ZBTB7B: variants seen among roughly 807,000 people sequenced by gnomAD.
ZBTB7B encodes zinc finger and BTB domain-containing protein 7B.
ZBTB7B carries 8 observed loss-of-function variants against 31.0 expected under a neutral mutation model. The ratio of observed to expected loss-of-function variants is 0.26; its 90% CI spans 0.15 to 0.47. The LOEUF is 0.47. Ranked by LOEUF, ZBTB7B falls within the 20% of genes least tolerant of loss-of-function variation. The probability of loss-of-function intolerance (pLI) is 0.99; values close to 1 mark genes in which losing one functional copy is unlikely to be tolerated. For missense variants in ZBTB7B, 494 were observed against 742.4 expected (o/e 0.67, Z 3.89); for synonymous variants, 261 against 307.3 (o/e 0.85, Z 1.58).
chr1:155,014,961 G>A lies in ZBTB7B; in HGVS notation c.301G>A (p.Ala101Thr), dbSNP rs200691018. ...LDFVGPEALG[A>T]LLEFAYTATL... ...CTTTGTAGGGCCAGAGGCACTAGGC[G>A]CCCTCCTTGAATTTGCCTATACAGC... is the stretch of plus-strand genomic sequence containing the variant. Residue 101 changes from alanine to threonine, a missense_variant, in exon 2 of 3, where the codon GCC becomes ACC. By Grantham distance (58) the Ala-to-Thr change is moderately conservative (BLOSUM62 0). This residue lies in a region of ZBTB7B where 90 missense variants were observed against 143.2 expected (regional missense o/e 0.63). Transcript: ENST00000535420. The A allele has an allele frequency of 3.1e-5, 50 of 1,613,796 alleles. No homozygotes were observed. Among genetic ancestry groups the A allele is most frequent in the African/African-American group, 1.9e-4 (14 of 74,990 alleles).
In ZBTB7B at chr1:155,017,368, G is replaced by GC. The variant is rs932039339; in HGVS notation, c.*686dup. 2 of 106,372 alleles carry GC rather than the reference G, an allele frequency of 1.9e-5. No homozygotes were observed. The highest frequency in any genetic ancestry group is 4.6e-5 in the Non-Finnish European group (2 of 43,590). The allele number at this position is 106,372 out of a possible 1,614,324, so 6.6% of individuals were successfully genotyped here. A position where few individuals can be genotyped will look rare whatever the true frequency, so the allele number is the denominator to read the frequency against. The stretch of plus-strand genomic sequence containing the variant: ...CCCCTGGGGGCAGTAGAGGGGCCCC[G>GC]CCCAGCTAGGGGAGCCGCTCCGTTC... On this transcript the variant is annotated 3_prime_UTR_variant, in exon 3 of 3. Transcript: ENST00000535420.
chr1:155,010,815 G>A lies in ZBTB7B; in HGVS notation c.-6-3840G>A, dbSNP rs1658913188. ...ACCTGAGGCTGGAGTTGGGGTGGGG[G>A]GGTGGAGGGAGAAAGGAGACAGAAG... is the stretch of plus-strand genomic sequence containing the variant. On this transcript the variant is annotated intron_variant, in intron 1 of 2. Transcript: ENST00000535420. 3 of 940,674 alleles carry A rather than the reference G, an allele frequency of 3.2e-6. No homozygotes were observed. The East Asian group carries it at 8.0e-5, about 25-fold the overall frequency. The allele number at this position is 940,674 out of a possible 1,614,324, so 58.3% of individuals were successfully genotyped here.
upstream of ZBTB7B, among the ~76,000 whole-genome samples, chr1:155,002,313 A>G (rs1658273321): frequency 7.0e-6 from 1 of 142,150 alleles, no homozygotes; most frequent in South Asian, 2.3e-4. Flanking sequence ...GTGGACTGGG[A>G]GAGATAGGGG....
intron 1 of ZBTB7B, among the ~76,000 whole-genome samples, chr1:155,011,978 G>A (rs1200910857): frequency 6.6e-6 from 1 of 152,190 alleles, no homozygotes; most frequent in Non-Finnish European, 1.5e-5. Context: ...GGTTAGGGGA[G>A]TTTCCCAGAA....
chr1:155,015,670 T>C lies in ZBTB7B; in HGVS notation c.1010T>C (p.Val337Ala), dbSNP rs1287293231. Reference protein sequence around the residue: ...APGLDSQDKLVRKRRSQMPQE... With the variant: ...APGLDSQDKLARKRRSQMPQE... Reference sequence around the variant, plus strand: ...GGCCTGGACAGCCAAGACAAGCTGGTGCGCAAACGCCGCTCCCAGATGCCT... The same window carrying C: ...GGCCTGGACAGCCAAGACAAGCTGGCGCGCAAACGCCGCTCCCAGATGCCT... The change falls in exon 2 of 3, where the codon GTG becomes GCG. Residue 337 changes from valine (V) to alanine (A), a missense_variant. By Grantham distance (64) the Val-to-Ala change is moderately conservative. Around this residue, in one of 5 missense-constraint regions of ZBTB7B, gnomAD observed 216 missense variants for 229.3 expected, o/e 0.94. Coordinates refer to ENST00000535420, the MANE Select transcript of ZBTB7B (RefSeq NM_001256455.2). 1.2e-6 allele frequency: 2 copies of C among 1,613,174 alleles called. No individual in the cohort carries two copies. The highest frequency in any genetic ancestry group is 2.2e-5 in the South Asian group (2 of 91,034).
At position 155,015,517 on chromosome 1, in the gene ZBTB7B, C is replaced by A. The variant is rs780764473; in HGVS notation, c.857C>A (p.Pro286Gln). The A allele has an allele frequency of 1.2e-6, 2 of 1,613,908 alleles. No individual in the cohort carries two copies. Among genetic ancestry groups the A allele is most frequent in the East Asian group, 4.5e-5 (2 of 44,866 alleles). ...GAAGAAGAGGAGCTGGTATATCCCC[C>A]AGCCTATGGGCTGGCGCAGGGTGGC... Reference protein sequence around the residue: ...EEEEEELVYPPAYGLAQGGGP... With the variant: ...EEEEEELVYPQAYGLAQGGGP... Residue 286 changes from proline (P) to glutamine (Q), a missense_variant, in exon 2 of 3, where the codon CCA (proline) becomes CAA (glutamine). Physicochemically the swap from Pro to Gln is moderately conservative, Grantham distance 76 (BLOSUM62 -1). Around this residue, in one of 5 missense-constraint regions of ZBTB7B, gnomAD observed 216 missense variants for 229.3 expected, o/e 0.94. Coordinates refer to ENST00000535420, the MANE Select transcript of ZBTB7B (RefSeq NM_001256455.2).
Position 155,018,495 on chromosome 1 carries a change from A to G in ZBTB7B, c.*1810A>G. 1.3e-6 allele frequency: 2 copies of G among 1,553,320 alleles called. No individual in the cohort carries two copies. Among genetic ancestry groups the G allele is most frequent in the Non-Finnish European group, 1.8e-6 (2 of 1,136,118 alleles). The stretch of plus-strand genomic sequence containing the variant: ...CTCCCCCACCTCGGGTGTAAGCGAC[A>G]GGAAGAAATAATAATAATTTAAGAT... On this transcript the variant is annotated 3_prime_UTR_variant, in exon 3 of 3. Coordinates refer to ENST00000535420, the MANE Select transcript of ZBTB7B (RefSeq NM_001256455.2).
At chr1:155,013,170 TA>T (rs1659118580) in intron 1 of ZBTB7B, among the ~76,000 whole-genome samples, 1 of 152,236 alleles carries the variant, frequency 6.6e-6, no homozygotes, top group Non-Finnish European at 1.5e-5. Context: ...TGGTCTCATT[TA>T]ACCCTCACCA....
At chr1:155,010,812 G>T (rs1186509354) in intron 1 of ZBTB7B, 5 of 913,946 alleles carry the variant, frequency 5.5e-6, no homozygotes, top group African/African-American at 5.0e-5. Flanking sequence ...AGTTGGGGTG[G>T]GGGGGTGGAG....
At chr1:155,005,389 G>A (rs1003280680) in intron 1 of ZBTB7B, among the ~76,000 whole-genome samples, 22 of 152,344 alleles carry the variant, frequency 1.4e-4, no homozygotes, top group Middle Eastern at 3.4e-3. Flanking sequence ...ATCAGACTGA[G>A]GGACAGCCTA....
chr1:155,015,054 T>C lies in ZBTB7B; in HGVS notation c.394T>C (p.Cys132Arg). ...GGCTGCCCGCCTGCTGGAGATCCCG[T>C]GTGTCATCGCTGCTTGCATGGAGAT... is the stretch of plus-strand genomic sequence containing the variant. ...LQAARLLEIP[C>R]VIAACMEILQ... is the part of the protein sequence containing the mutation. The change falls in exon 2 of 3, where the codon TGT becomes CGT. Residue 132 changes from cysteine (C) to arginine (R), a missense_variant. This residue lies in a region of ZBTB7B where 90 missense variants were observed against 143.2 expected (regional missense o/e 0.63). Transcript: ENST00000535420. 2 of 1,613,852 alleles carry C rather than the reference T, an allele frequency of 1.2e-6. No homozygotes were observed. The highest frequency in any genetic ancestry group is 1.7e-6 in the Non-Finnish European group (2 of 1,180,004).
intron 1 of ZBTB7B, among the ~76,000 whole-genome samples, chr1:155,011,850 C>G (rs1042314228): frequency 6.6e-6 from 1 of 152,174 alleles, no homozygotes; most frequent in Non-Finnish European, 1.5e-5. Flanking sequence ...AAGGGGGAGG[C>G]CTTTGCCCCA....
chr1:155,010,478 T>C (rs1307446525), intron 1 of ZBTB7B: 1 of 164,338 alleles, frequency 6.1e-6, no homozygotes, highest in Non-Finnish European at 1.4e-5. Flanking sequence ...TTGGAGGGGC[T>C]GGGGTGGGGA....
Position 155,018,457 on chromosome 1 carries a change from C to T in ZBTB7B, c.*1772C>T. On this transcript the variant is annotated 3_prime_UTR_variant, in exon 3 of 3. Transcript: ENST00000535420. ...GGCACTCCCCCCCTCCTATTCCCTT[C>T]CCCCCACCCCAACTCCCCCACCTCG... is the stretch of plus-strand genomic sequence containing the variant. 3.2e-6 allele frequency: 4 copies of T among 1,243,852 alleles called. No individual in the cohort carries two copies. Among genetic ancestry groups the T allele is most frequent in the Admixed American group, 4.4e-5 (2 of 45,588 alleles). The allele number at this position is 1,243,852 out of a possible 1,614,324, so 77.1% of individuals were successfully genotyped here. A position where few individuals can be genotyped will look rare whatever the true frequency, so the allele number is the denominator to read the frequency against.
rs2102266424 is a variant in ZBTB7B, at chr1:155,003,468, A to T, written c.-7+525A>T. Among the ~76,000 whole-genome samples the T allele has an allele frequency of 6.6e-6, 1 of 152,174 alleles. No homozygotes were observed. The highest frequency in any genetic ancestry group is 6.5e-5 in the Admixed American group (1 of 15,300). On this transcript the variant is annotated intron_variant, in intron 1 of 2. Coordinates refer to ENST00000535420, the MANE Select transcript of ZBTB7B (RefSeq NM_001256455.2). The surrounding 1 kb of genome is among the most constrained non-coding windows in gnomAD (Gnocchi z 5.8). ...GGCTTGGGGGAAAGTTACCGGCTGG[A>T]CTATTCGGTTTCTTGCGCTTCCAGA...
intron 1 of ZBTB7B, among the ~76,000 whole-genome samples, chr1:155,007,737 G>C (rs1658649273): frequency 6.6e-6 from 1 of 152,258 alleles, no homozygotes; most frequent in South Asian, 2.1e-4. Flanking sequence ...GAGCAGGGGG[G>C]TAGGAGGGAG....
At chr1:155,011,020 G>A in intron 1 of ZBTB7B, 1 of 1,534,504 alleles carries the variant, frequency 6.5e-7, no homozygotes, top group Non-Finnish European at 8.7e-7. Context: ...CTAGAGGTAG[G>A]GGCCTTGGAA....
At chr1:155,010,987 C>G (rs1273754365) in intron 1 of ZBTB7B, 1 of 1,535,660 alleles carries the variant, frequency 6.5e-7, no homozygotes, top group South Asian at 1.2e-5. Context: ...TGGCCAGGCC[C>G]CTCTCAGGCT....
intron 1 of ZBTB7B, among the ~76,000 whole-genome samples, chr1:155,011,842 G>T (rs916242611): frequency 6.6e-6 from 1 of 152,218 alleles, no homozygotes; most frequent in East Asian, 1.9e-4. Context: ...GCAGAAAGAA[G>T]GGGGAGGCCT....
Sources: allele counts gnomAD v4.1 joint callset (sites outside exome capture counted in the v4.1 genomes callset), GRCh38; gene constraint gnomAD v4.1.1; regional missense constraint gnomAD v4.1.1; non-coding constraint Gnocchi (gnomAD v3.1); transcripts MANE v1.5; gene names NCBI Gene and HGNC (gene_info 2026-07-23, HGNC 2026-07-21).